FGF14: variants seen among roughly 807,000 people sequenced by gnomAD.
FGF14 encodes fibroblast growth factor 14, also known as fibroblast growth factor homologous factor 4.
A neutral mutation model predicts 25.5 loss-of-function variants in FGF14; 5 were observed. That is an observed-to-expected ratio of 0.20 (90% CI 0.10 to 0.41). The LOEUF is 0.41. Ranked by LOEUF, FGF14 falls within the 10% of genes least tolerant of loss-of-function variation. FGF14 has a pLI of 1.00. For synonymous variants in FGF14, 138 were observed against 118.3 expected, an observed-to-expected ratio of 1.17 and a Z score of -1.08; for missense variants, 222 against 320.1, an observed-to-expected ratio of 0.69 and a Z score of 2.34.
intron 1 of FGF14, among the ~76,000 whole-genome samples, chr13:102,313,630 C>T (rs1167017305): frequency 6.6e-6 from 1 of 152,132 alleles, no homozygotes; most frequent in Non-Finnish European, 1.5e-5. Flanking sequence ...GAGCTCAAAA[C>T]AGTTCACATT....
intron 1 of FGF14, among the ~76,000 whole-genome samples, chr13:102,151,493 T>C (rs1455941908): frequency 6.6e-6 from 1 of 152,084 alleles, no homozygotes; most frequent in Non-Finnish European, 1.5e-5. Context: ...ATACCTTCAG[T>C]TCCTTTTTGT....
chr13:102,329,932 C>T (rs2056582708), intron 1 of FGF14, among the ~76,000 whole-genome samples: 1 of 152,040 alleles, frequency 6.6e-6, no homozygotes, highest in Non-Finnish European at 1.5e-5. Flanking sequence ...ACATTTAAAC[C>T]TAAATTTTCA....
At chr13:102,228,718 C>A (rs2050940248) in intron 1 of FGF14, among the ~76,000 whole-genome samples, 1 of 152,148 alleles carries the variant, frequency 6.6e-6, no homozygotes, top group African/African-American at 2.4e-5. Context: ...GTCAAGAATC[C>A]TCCTGTTATT....
intron 3 of FGF14, among the ~76,000 whole-genome samples, chr13:101,860,406 T>C (rs2044354224): frequency 6.6e-6 from 1 of 152,038 alleles, no homozygotes; most frequent in Non-Finnish European, 1.5e-5. Context: ...TCATTCTGCT[T>C]ACTCCTAGTT....
Position 101,753,537 on chromosome 13 carries a change from G to A in FGF14, c.409-26727C>T, listed in dbSNP as rs539651430. On this transcript the variant is annotated intron_variant, in intron 3 of 4. Coordinates refer to ENST00000376143, the MANE Select transcript of FGF14 (RefSeq NM_004115.4). ...ATTTCCTTGTTGGCCAGGCGCGATG[G>A]CTCACGCCTGTAATCCCAGCACTTT... 7.6e-4 allele frequency among the ~76,000 whole-genome samples: 115 copies of A among 152,196 alleles called. 1 individual carries two copies. The highest frequency in any genetic ancestry group is 2.7e-3 in the African/African-American group (110 of 41,506).
chr13:101,897,470 C>T (rs2030871306), intron 1 of FGF14, among the ~76,000 whole-genome samples: 1 of 152,272 alleles, frequency 6.6e-6, no homozygotes, highest in Non-Finnish European at 1.5e-5. Context: ...AGGGCTACTC[C>T]AGTCTTTGCA....
intron 1 of FGF14, among the ~76,000 whole-genome samples, chr13:101,990,689 C>T (rs779744018): frequency 6.6e-6 from 1 of 151,980 alleles, no homozygotes; most frequent in Non-Finnish European, 1.5e-5. Context: ...GCACAGGTCT[C>T]TAGGGTTTTT....
At chr13:101,790,085 T>C (rs980562718) in intron 3 of FGF14, among the ~76,000 whole-genome samples, 1 of 151,428 alleles carries the variant, frequency 6.6e-6, no homozygotes, top group Non-Finnish European at 1.5e-5. Flanking sequence ...CTTATAATCA[T>C]TTCAGTTTGT....
At chr13:102,322,076 TC>T (rs2056264166) in intron 1 of FGF14, among the ~76,000 whole-genome samples, 1 of 152,166 alleles carries the variant, frequency 6.6e-6, no homozygotes, top group Admixed American at 6.5e-5. Context: ...CCCTTTTCCT[TC>T]CAGCATTCAC....
chr13:102,068,645 C>T (rs565506653), intron 1 of FGF14, among the ~76,000 whole-genome samples: 58 of 152,290 alleles, frequency 3.8e-4, no homozygotes, highest in African/African-American at 1.3e-3. Flanking sequence ...TGTACTGGGT[C>T]CCCCAGCAGT....
chr13:101,830,861 G>A (rs978937008), intron 3 of FGF14, among the ~76,000 whole-genome samples: 4 of 151,968 alleles, frequency 2.6e-5, no homozygotes, highest in Non-Finnish European at 5.9e-5. Flanking sequence ...AGCTCTAGAG[G>A]CTGCCTGCAT....
intron 1 of FGF14, among the ~76,000 whole-genome samples, chr13:102,013,789 G>A (rs201540891): frequency 3.9e-5 from 6 of 151,924 alleles, no homozygotes; most frequent in East Asian, 1.9e-4. Flanking sequence ...TTCATTGTTC[G>A]GACAATTGTG....
At chr13:102,176,333 CG>C (rs760097616) in intron 1 of FGF14, among the ~76,000 whole-genome samples, 67 of 151,978 alleles carry the variant, frequency 4.4e-4, no homozygotes, top group Non-Finnish European at 6.0e-4. Flanking sequence ...AACCAAATAC[CG>C]TATGTCCTCA....
intron 3 of FGF14, among the ~76,000 whole-genome samples, chr13:101,763,532 C>T (rs1332794542): frequency 2.0e-5 from 3 of 151,500 alleles, no homozygotes; most frequent in Non-Finnish European, 2.9e-5. Context: ...TATGCATTTC[C>T]TTTTCCTCTC....
chr13:102,128,880 C>T (rs1261799435), intron 1 of FGF14, among the ~76,000 whole-genome samples: 6 of 151,978 alleles, frequency 3.9e-5, no homozygotes, highest in Non-Finnish European at 8.8e-5. Context: ...GTCAGGAGTT[C>T]GAGACCAGCC....
At chr13:102,225,540 T>C (rs962795476) in intron 1 of FGF14, among the ~76,000 whole-genome samples, 2 of 152,222 alleles carry the variant, frequency 1.3e-5, no homozygotes, top group African/African-American at 4.8e-5. Context: ...ATTTATTTCA[T>C]GAACTAAACC....
intron 1 of FGF14, among the ~76,000 whole-genome samples, chr13:101,913,285 A>C (rs1206201236): frequency 6.6e-6 from 1 of 152,144 alleles, no homozygotes; most frequent in East Asian, 1.9e-4. Flanking sequence ...GGTGGAGGGT[A>C]GATGGAGCTG....
At chr13:101,928,542 C>G (rs1409159062) in intron 1 of FGF14, among the ~76,000 whole-genome samples, 1 of 151,888 alleles carries the variant, frequency 6.6e-6, no homozygotes, top group African/African-American at 2.4e-5. Context: ...ATCTTATTTT[C>G]CCTATTTTTT....
In FGF14 at chr13:102,137,472, T is replaced by G. The variant is rs1000472795; in HGVS notation, c.209-262176A>C. ...GTTGTTTGGTCATATGCCTGATGTG[T>G]CCCAAATAAGTCTGGACTCTGGTAA... On this transcript the variant is annotated intron_variant, in intron 1 of 4. Transcript: ENST00000376131. 2.6e-5 allele frequency among the ~76,000 whole-genome samples: 4 copies of G among 152,178 alleles called. No individual in the cohort carries two copies. The East Asian group carries it at 7.7e-4, about 29-fold the overall frequency.
Sources: allele counts gnomAD v4.1 joint callset (sites outside exome capture counted in the v4.1 genomes callset), GRCh38; gene constraint gnomAD v4.1.1; transcripts MANE v1.5; gene names NCBI Gene and HGNC (gene_info 2026-07-23, HGNC 2026-07-21).